The following ADGRB3 variants were observed in gnomAD, a reference collection of about 807,000 sequenced individuals.
ADGRB3 encodes adhesion G protein-coupled receptor B3.
ADGRB3 carries 37 observed loss-of-function variants against 193.4 expected under a neutral mutation model. That is an observed-to-expected ratio of 0.19 (90% CI 0.15 to 0.25). ADGRB3 has a LOEUF of 0.25. Ranked by LOEUF, ADGRB3 falls within the 10% of genes least tolerant of loss-of-function variation. ADGRB3 has a pLI of 1.00. For missense variants in ADGRB3, 1,637 were observed against 1,852.9 expected (o/e 0.88, Z 2.14); for synonymous variants, 690 against 644.2 (o/e 1.07, Z -1.08).
intron 10 of ADGRB3, among the ~76,000 whole-genome samples, chr6:68,983,096 A>G (rs1014280549): frequency 1.8e-4 from 27 of 152,190 alleles, no homozygotes; most frequent in African/African-American, 5.3e-4. Context: ...ATTATCCCAA[A>G]CCAGTAAATT....
chr6:69,206,370 A>G (rs1765541634), intron 17 of ADGRB3, among the ~76,000 whole-genome samples: 1 of 152,028 alleles, frequency 6.6e-6, no homozygotes, highest in Non-Finnish European at 1.5e-5. Flanking sequence ...TCAAATGTTA[A>G]TCTCCTTTGG....
chr6:69,165,353 T>A (rs1775103735), intron 17 of ADGRB3, among the ~76,000 whole-genome samples: 1 of 151,944 alleles, frequency 6.6e-6, no homozygotes, highest in African/African-American at 2.4e-5. Flanking sequence ...ACACAAGATA[T>A]CTGTCATTTT....
Position 69,333,265 on chromosome 6 carries a change from G to A in ADGRB3, c.3188+257G>A, listed in dbSNP as rs150489679. Among the ~76,000 whole-genome samples the A allele has an allele frequency of 4.6e-5, 7 of 152,238 alleles. No homozygotes were observed. In the East Asian group the frequency reaches 5.8e-4, roughly 13 times the overall value. On this transcript the variant is annotated intron_variant, in intron 24 of 31. Coordinates refer to ENST00000370598, the MANE Select transcript of ADGRB3 (RefSeq NM_001704.3). ...TATTGCCTGCTTGTCAGATAAGAAC[G>A]TTAAACATTAAGGCTTTACTTGCAA...
chr6:69,320,952 A>G (rs921637842), intron 20 of ADGRB3, among the ~76,000 whole-genome samples: 6 of 150,968 alleles, frequency 4.0e-5, no homozygotes, highest in Admixed American at 3.3e-4. Flanking sequence ...AAATTTCCTG[A>G]TTTCTGCCTT....
intron 20 of ADGRB3, among the ~76,000 whole-genome samples, chr6:69,250,559 G>A (rs1181469503): frequency 6.6e-6 from 1 of 152,162 alleles, no homozygotes; most frequent in African/African-American, 2.4e-5. Flanking sequence ...TACAAGTCAG[G>A]AATTTAGGAG....
chr6:69,368,592 A>C (rs940578453), intron 29 of ADGRB3, among the ~76,000 whole-genome samples: 2 of 152,146 alleles, frequency 1.3e-5, no homozygotes, highest in African/African-American at 4.8e-5. Flanking sequence ...TATGGTATCC[A>C]GAAGAGAATA....
At chr6:68,656,117 T>C (rs1768485006) in intron 3 of ADGRB3, among the ~76,000 whole-genome samples, 1 of 151,624 alleles carries the variant, frequency 6.6e-6, no homozygotes, top group Admixed American at 6.6e-5. Context: ...TTTTTAACAT[T>C]TATTCTTAGG....
chr6:69,182,412 A>T (rs1362411600), intron 17 of ADGRB3, among the ~76,000 whole-genome samples: 1 of 151,892 alleles, frequency 6.6e-6, no homozygotes, highest in Non-Finnish European at 1.5e-5. Context: ...CAACAAGAAA[A>T]AAAAAAAAAC....
chr6:68,706,147 G>C (rs985648798), intron 3 of ADGRB3, among the ~76,000 whole-genome samples: 8 of 152,124 alleles, frequency 5.3e-5, no homozygotes, highest in African/African-American at 1.9e-4. Context: ...CTTGAGTAGA[G>C]TTTGGTCAAG....
At chr6:69,297,368 T>TCTCTCTCTCTCTCTCTCTCTCTCTCTCTC (rs1767846054) in intron 20 of ADGRB3, among the ~76,000 whole-genome samples, 4 of 97,646 alleles carry the variant, frequency 4.1e-5, no homozygotes, top group African/African-American at 7.9e-5. Context: ...CTCTCTCTCT[T>TCTCTCTCTCTCTCTCTCTCTCTCTCTCTC]TCTCTCTCTC....
At chr6:69,114,686 A>G (rs1445153034) in intron 17 of ADGRB3, among the ~76,000 whole-genome samples, 1 of 142,980 alleles carries the variant, frequency 7.0e-6, no homozygotes, top group Non-Finnish European at 1.5e-5. Context: ...TGATTTTTGT[A>G]TAAGTTGTAA....
intron 3 of ADGRB3, among the ~76,000 whole-genome samples, chr6:68,775,163 T>G (rs1400658418): frequency 2.8e-5 from 1 of 35,470 alleles, no homozygotes; most frequent in African/African-American, 1.3e-4. Flanking sequence ...AAAAAAAAAG[T>G]CTTTTAATGT....
chr6:69,360,836 T>A (rs760328196), intron 28 of ADGRB3, 33 bp from the exon 29 acceptor site: 1 of 1,533,430 alleles, frequency 6.5e-7, no homozygotes, highest in Non-Finnish European at 8.8e-7. Context: ...ACACATTAAC[T>A]CTCTTTCTTC....
chr6:69,291,346 G>A (rs993577503), intron 20 of ADGRB3, among the ~76,000 whole-genome samples: 1 of 152,040 alleles, frequency 6.6e-6, no homozygotes, highest in East Asian at 1.9e-4. Context: ...TTGTAGCTAA[G>A]TATGTTGATA....
chr6:68,958,030 G>A (rs113193354), intron 8 of ADGRB3, among the ~76,000 whole-genome samples: 2 of 151,792 alleles, frequency 1.3e-5, no homozygotes, highest in African/African-American at 4.8e-5. Flanking sequence ...GCGAAACCCC[G>A]TCTCTACTAA....
At chr6:68,817,503 A>G (rs1321977736) in intron 3 of ADGRB3, among the ~76,000 whole-genome samples, 1 of 151,376 alleles carries the variant, frequency 6.6e-6, no homozygotes. Flanking sequence ...AGCCTGTTTA[A>G]TGGTTTAATG....
At chr6:68,853,473 T>A (rs1364793379) in intron 3 of ADGRB3, among the ~76,000 whole-genome samples, 2 of 152,162 alleles carry the variant, frequency 1.3e-5, no homozygotes, top group East Asian at 3.9e-4. Flanking sequence ...CAGGTTTTCA[T>A]TACTGGAGAA....
chr6:69,032,872 T>A (rs1443555496), intron 13 of ADGRB3, among the ~76,000 whole-genome samples: 1 of 152,136 alleles, frequency 6.6e-6, no homozygotes, highest in African/African-American at 2.4e-5. Flanking sequence ...CTGGAAGTTA[T>A]CTCTCCTGTA....
intron 3 of ADGRB3, among the ~76,000 whole-genome samples, chr6:68,888,659 A>C (rs1014473494): frequency 1.3e-5 from 2 of 152,122 alleles, no homozygotes; most frequent in Non-Finnish European, 2.9e-5. Flanking sequence ...ATGAGAGATA[A>C]TAAATGCAAT....
Sources: gnomAD v4.1 joint callset for allele counts (sites outside exome capture counted in the v4.1 genomes callset) on GRCh38, gnomAD v4.1.1 for gene constraint, MANE v1.5 for transcripts, NCBI Gene and HGNC (gene_info 2026-07-23, HGNC 2026-07-21) for gene names.